The following ARHGAP11B variants were observed in gnomAD, a reference collection of about 807,000 sequenced individuals.
The protein encoded by ARHGAP11B is inactive Rho GTPase-activating protein 11B.
A neutral mutation model predicts 27.6 loss-of-function variants in ARHGAP11B; 14 were observed. That is an observed-to-expected ratio of 0.51 (90% CI 0.34 to 0.79). ARHGAP11B has a LOEUF of 0.79. Ranked by LOEUF, ARHGAP11B falls within the 30% of genes least tolerant of loss-of-function variation. ARHGAP11B has a pLI of 0.02. For synonymous variants in ARHGAP11B, 82 were observed against 114.1 expected, an observed-to-expected ratio of 0.72 and a Z score of 1.80; for missense variants, 245 against 320.1, an observed-to-expected ratio of 0.77 and a Z score of 1.79.
chr15:30,635,416 G>C, intron 5 of ARHGAP11B, 71 bp from the exon 6 acceptor site: 1 of 1,539,240 alleles, frequency 6.5e-7, no homozygotes, highest in South Asian at 1.3e-5. Flanking sequence ...TGGTATATTA[G>C]TATCTAAACA....
intron 2 of ARHGAP11B, among the ~76,000 whole-genome samples, chr15:30,631,318 A>G (rs2060243573): frequency 6.6e-6 from 1 of 151,880 alleles, no homozygotes; most frequent in Non-Finnish European, 1.5e-5. Flanking sequence ...CAGATTAAGT[A>G]ATATACTGAA....
intron 7 of ARHGAP11B, among the ~76,000 whole-genome samples, chr15:30,642,169 A>T (rs2140906141): frequency 6.6e-6 from 1 of 152,110 alleles, no homozygotes; most frequent in South Asian, 2.1e-4. Context: ...ATAATTGAAA[A>T]AATGTGAATG....
chr15:30,648,504 A>C (rs1566786168), exon 11 of ARHGAP11B, among the ~76,000 whole-genome samples: 1 of 152,016 alleles, frequency 6.6e-6, no homozygotes, highest in Non-Finnish European at 1.5e-5. Context: ...TGGGCCAATT[A>C]CTTTAATTGC....
At chr15:30,633,667 T>A (rs2060260040) in intron 3 of ARHGAP11B, 81 bp downstream of exon 3, 1 of 1,173,308 alleles carries the variant, frequency 8.5e-7, no homozygotes. Flanking sequence ...TTAGAACTAT[T>A]AATATGAATA....
exon 11 of ARHGAP11B, among the ~76,000 whole-genome samples, chr15:30,648,474 T>G (rs531710178): frequency 6.6e-6 from 1 of 152,140 alleles, no homozygotes; most frequent in South Asian, 2.1e-4. Context: ...GACCTGGGTG[T>G]GGATCAAAGA....
rs1595673932 is a variant in ARHGAP11B at position 30,634,855 on chromosome 15, A to G, written c.552-225A>G. Among the ~76,000 whole-genome samples, 2 of 151,376 alleles carry G rather than the reference A, an allele frequency of 1.3e-5. 1 individual carries two copies. Among genetic ancestry groups the G allele is most frequent in the East Asian group, 3.9e-4 (2 of 5,106 alleles). On this transcript the variant is annotated intron_variant, in intron 4 of 10. Transcript: ENST00000428041. ...TTCAATTTGTGTGGAAAAGCAAAGT[A>G]TGAACTCTAAGATTAGCATGGTTTT...
chr15:30,626,967 G>C lies in ARHGAP11B; in HGVS notation c.129+18G>C, dbSNP rs766143966. ...AAATAGGGGTAAGTTCTGTGAAAAG[G>C]GATTTAGGTTTAAAAGAAAGGGCAC... On this transcript the variant is annotated intron_variant, in intron 1 of 10. Transcript: ENST00000428041. 5.0e-6 allele frequency: 8 copies of C among 1,611,320 alleles called. No individual in the cohort carries two copies. The African/African-American group carries it at 9.4e-5, about 19-fold the overall frequency.
intron 8 of ARHGAP11B, among the ~76,000 whole-genome samples, chr15:30,645,157 A>C (rs1254056210): frequency 6.6e-6 from 1 of 151,928 alleles, no homozygotes; most frequent in African/African-American, 2.4e-5. Flanking sequence ...TTAAGGGATA[A>C]TTATTACATT....
At chr15:30,642,102 T>A (rs2060319437) in intron 7 of ARHGAP11B, among the ~76,000 whole-genome samples, 1 of 152,016 alleles carries the variant, frequency 6.6e-6, no homozygotes, top group African/African-American at 2.4e-5. Flanking sequence ...TTCCAAAATT[T>A]TCTTTAGCTA....
At chr15:30,647,309 A>G (rs977050822) in intron 9 of ARHGAP11B, among the ~76,000 whole-genome samples, 2 of 151,940 alleles carry the variant, frequency 1.3e-5, no homozygotes, top group South Asian at 2.1e-4. Context: ...ACGGTGGTTC[A>G]GAGGTGTTTT....
At chr15:30,635,735 T>A (rs1279385498) in intron 6 of ARHGAP11B, 102 bp downstream of exon 6, 30 of 1,173,768 alleles carry the variant, frequency 2.6e-5, no homozygotes, top group Non-Finnish European at 3.2e-5. Flanking sequence ...TTTTTGGTGC[T>A]TAAAGCACAG....
chr15:30,628,141 C>T (rs889033841), intron 1 of ARHGAP11B, among the ~76,000 whole-genome samples: 1 of 149,390 alleles, frequency 6.7e-6, no homozygotes, highest in African/African-American at 2.5e-5. Flanking sequence ...AGTGCAGTGG[C>T]GCGATCTTGG....
At chr15:30,634,077 A>G (rs2060263043) in intron 3 of ARHGAP11B, 93 bp from the exon 4 acceptor site, 1 of 1,479,910 alleles carries the variant, frequency 6.8e-7, no homozygotes, top group East Asian at 2.3e-5. Flanking sequence ...AAATTTATTA[A>G]AGAAAAGTGT....
At chr15:30,637,676 G>A (rs561617406) in intron 6 of ARHGAP11B, among the ~76,000 whole-genome samples, 14 of 152,044 alleles carry the variant, frequency 9.2e-5, no homozygotes, top group Middle Eastern at 3.4e-3. Flanking sequence ...GGAGGTTGTC[G>A]TTGGCTGAGA....
At chr15:30,627,791 G>A (rs12913340) in intron 1 of ARHGAP11B, among the ~76,000 whole-genome samples, 1 of 152,000 alleles carries the variant, frequency 6.6e-6, no homozygotes, top group Non-Finnish European at 1.5e-5. Context: ...AGCTAATAAA[G>A]TTAATATACG....
intron 1 of ARHGAP11B, among the ~76,000 whole-genome samples, chr15:30,629,067 G>T (rs565958718): frequency 7.2e-5 from 11 of 152,158 alleles, no homozygotes; most frequent in African/African-American, 2.4e-4. Context: ...ATGATCATAA[G>T]ATTAACAAAT....
At chr15:30,631,362 G>C (rs1055945878) in intron 2 of ARHGAP11B, among the ~76,000 whole-genome samples, 2 of 150,806 alleles carry the variant, frequency 1.3e-5, no homozygotes, top group African/African-American at 4.9e-5. Flanking sequence ...CCTTTTTTTT[G>C]TTTGTTAAAA....
chr15:30,640,336 TCCCTTAC>T (rs1348103785), intron 7 of ARHGAP11B, among the ~76,000 whole-genome samples: 1 of 116,844 alleles, frequency 8.6e-6, no homozygotes, highest in Non-Finnish European at 1.8e-5. Context: ...GGCTTCCAGA[TCCCTTAC>T]CAGCCCAGCC....
intron 1 of ARHGAP11B, among the ~76,000 whole-genome samples, chr15:30,629,309 C>T (rs541412463): frequency 1.3e-5 from 2 of 151,984 alleles, no homozygotes; most frequent in South Asian, 2.1e-4. Context: ...TTTGGGAGGC[C>T]GAGGAGGGTG....
Sources: allele counts gnomAD v4.1 joint callset (sites outside exome capture counted in the v4.1 genomes callset), GRCh38; gene constraint gnomAD v4.1.1; transcripts MANE v1.5; gene names NCBI Gene and HGNC (gene_info 2026-07-23, HGNC 2026-07-21).